Variants in NOL4 observed in about 807,000 individuals in gnomAD.
NOL4 encodes cancer/testis antigen 125.
A neutral mutation model predicts 75.9 loss-of-function variants in NOL4; 17 were observed. That is an observed-to-expected ratio of 0.22 (90% confidence interval 0.15 to 0.34). The LOEUF (loss-of-function observed/expected upper bound fraction) is 0.34. NOL4 is among the 10% of genes least tolerant of loss of function. The pLI, the probability that NOL4 is intolerant of heterozygous loss-of-function variation, is 1.00. For missense variants in NOL4, 614 were observed against 793.5 expected (o/e 0.77, Z 2.72); for synonymous variants, 292 against 289.9 (o/e 1.01, Z -0.07).
chr18:33,869,118 A>G (rs1417886578), intron 10 of NOL4, among the ~76,000 whole-genome samples: 3 of 151,850 alleles, frequency 2.0e-5, no homozygotes, highest in Non-Finnish European at 4.4e-5. Context: ...TAAGTCCCTC[A>G]AATTTTACTG....
chr18:34,150,169 TGTAA>T (rs1164956967), intron 1 of NOL4, among the ~76,000 whole-genome samples: 2 of 151,782 alleles, frequency 1.3e-5, no homozygotes, highest in East Asian at 3.8e-4. Flanking sequence ...GTTAGTTATC[TGTAA>T]GTGTTAGTTA....
chr18:34,072,772 T>C (rs774720231), intron 5 of NOL4, among the ~76,000 whole-genome samples: 1 of 152,192 alleles, frequency 6.6e-6, no homozygotes, highest in Non-Finnish European at 1.5e-5. Context: ...CTGTTTTTTA[T>C]ATATAGAAGA....
intron 5 of NOL4, among the ~76,000 whole-genome samples, chr18:34,021,744 A>G (rs2075050471): frequency 6.6e-6 from 1 of 152,152 alleles, no homozygotes; most frequent in African/African-American, 2.4e-5. Flanking sequence ...AATTAGAAAA[A>G]TCGTGAGAAT....
intron 8 of NOL4, 51 bp from the exon 9 acceptor site, chr18:33,943,229 A>G: frequency 2.5e-6 from 3 of 1,214,452 alleles, no homozygotes; most frequent in Non-Finnish European, 3.6e-6. Context: ...AGTATCATTA[A>G]CAGGCCAATG....
intron 1 of NOL4, among the ~76,000 whole-genome samples, chr18:34,169,211 C>A (rs2032760768): frequency 6.6e-6 from 1 of 151,468 alleles, no homozygotes; most frequent in Non-Finnish European, 1.5e-5. Flanking sequence ...GATATCTGAA[C>A]AAAATAACAG....
chr18:33,898,210 A>G (rs1316346423), intron 9 of NOL4, among the ~76,000 whole-genome samples: 3 of 152,168 alleles, frequency 2.0e-5, no homozygotes, highest in Admixed American at 1.3e-4. Flanking sequence ...ACTGTGCCCA[A>G]CCAAAAATAT....
Position 34,222,259 on chromosome 18 carries a change from T to C in NOL4, c.264+731A>G, listed in dbSNP as rs1028396154. On this transcript the variant is annotated intron_variant, in intron 1 of 10. Transcript: ENST00000261592. ...AAAAAGGAACAAATACACACACCAT[T>C]CGATAGCGCCTAAACCCATCTTTCT... 2.9e-6 allele frequency: 4 copies of C among 1,379,888 alleles called. No individual in the cohort carries two copies. The African/African-American group carries it at 6.0e-5, about 21-fold the overall frequency. 85.5% of individuals were successfully genotyped at this position (1,379,888 alleles called of 1,614,324 possible). A position where few individuals can be genotyped will look rare whatever the true frequency, so the allele number is the denominator to read the frequency against.
chr18:34,191,013 TA>T (rs945414269), intron 1 of NOL4, among the ~76,000 whole-genome samples: 1 of 152,092 alleles, frequency 6.6e-6, no homozygotes, highest in Non-Finnish European at 1.5e-5. Context: ...AGATATTGCT[TA>T]AAAATCACTG....
chr18:33,938,055 T>G (rs1268506194), intron 9 of NOL4, among the ~76,000 whole-genome samples: 5 of 152,084 alleles, frequency 3.3e-5, no homozygotes, highest in Non-Finnish European at 5.9e-5. Context: ...TTTCCCTCCA[T>G]GAACATAATA....
intron 10 of NOL4, among the ~76,000 whole-genome samples, chr18:33,880,817 G>T (rs1336639492): frequency 6.9e-6 from 1 of 144,864 alleles, no homozygotes. Context: ...CTCTAGTTGA[G>T]TTTTTTTTTT....
intron 1 of NOL4, chr18:34,221,894 C>G (rs2037334956): frequency 1.1e-5 from 8 of 708,146 alleles, no homozygotes; most frequent in Non-Finnish European, 1.9e-5. Context: ...AGGAATACTG[C>G]ACCGGGAAAC....
At chr18:33,902,786 A>T (rs1438799003) in intron 9 of NOL4, among the ~76,000 whole-genome samples, 2 of 152,148 alleles carry the variant, frequency 1.3e-5, no homozygotes, top group Admixed American at 6.6e-5. Flanking sequence ...AACTGGCCTA[A>T]AAAACAAAGT....
intron 1 of NOL4, among the ~76,000 whole-genome samples, chr18:34,135,724 C>CAG (rs1297732501): frequency 8.8e-6 from 1 of 113,678 alleles, no homozygotes; most frequent in African/African-American, 3.3e-5. Context: ...TTTTCACACA[C>CAG]AGAAGCAGCC....
chr18:33,919,816 C>T (rs1017569421), intron 9 of NOL4, among the ~76,000 whole-genome samples: 1 of 152,148 alleles, frequency 6.6e-6, no homozygotes, highest in African/African-American at 2.4e-5. Flanking sequence ...CCTTTTAAAT[C>T]TATATTGAAT....
At chr18:34,020,423 T>A (rs972003780) in intron 5 of NOL4, among the ~76,000 whole-genome samples, 1 of 152,216 alleles carries the variant, frequency 6.6e-6, no homozygotes, top group Non-Finnish European at 1.5e-5. Flanking sequence ...GCATCAGTAT[T>A]AGCTGAATGA....
intron 6 of NOL4, among the ~76,000 whole-genome samples, chr18:33,983,585 A>G (rs1421797490): frequency 6.7e-6 from 1 of 149,556 alleles, no homozygotes; most frequent in Admixed American, 6.7e-5. Context: ...AAATATATAT[A>G]AATAGGAGGT....
chr18:33,882,341 A>G (rs1045939390), intron 10 of NOL4, among the ~76,000 whole-genome samples: 27 of 152,220 alleles, frequency 1.8e-4, no homozygotes, highest in Non-Finnish European at 2.5e-4. Flanking sequence ...TCTACAATGA[A>G]CTCAAACAAA....
intron 5 of NOL4, among the ~76,000 whole-genome samples, chr18:34,083,285 T>C (rs1343230381): frequency 6.6e-6 from 1 of 152,056 alleles, no homozygotes; most frequent in Non-Finnish European, 1.5e-5. Flanking sequence ...AGTGGCAGAT[T>C]GGGAGGAAAA....
intron 1 of NOL4, among the ~76,000 whole-genome samples, chr18:34,203,190 A>G (rs922369388): frequency 1.3e-5 from 2 of 152,082 alleles, no homozygotes; most frequent in Non-Finnish European, 2.9e-5. Flanking sequence ...GCCAGTCCCC[A>G]AAGGTTATGT....
Sources: allele counts gnomAD v4.1 joint callset (sites outside exome capture counted in the v4.1 genomes callset), GRCh38; gene constraint gnomAD v4.1.1; transcripts MANE v1.5; gene names NCBI Gene and HGNC (gene_info 2026-07-23, HGNC 2026-07-21).